Variants in FBXO34 observed in about 807,000 individuals in gnomAD.
The protein encoded by FBXO34 is F-box only protein 34.
In FBXO34, 12 loss-of-function variants were observed where a neutral mutation model predicts 24.5. That is an observed-to-expected ratio of 0.49 (90% CI 0.31 to 0.79). FBXO34 has a LOEUF of 0.79. FBXO34 is among the 30% of genes least tolerant of loss of function. FBXO34 has a pLI of 0.04. For synonymous variants in FBXO34, 320 were observed against 311.9 expected, an observed-to-expected ratio of 1.03 and a Z score of -0.27; for missense variants, 823 against 857.7, an observed-to-expected ratio of 0.96 and a Z score of 0.51.
the FBXO34 span, among the ~76,000 whole-genome samples, chr14:55,440,858 G>A: frequency 7.9e-5 from 12 of 152,114 alleles, no homozygotes; most frequent in Middle Eastern, 3.4e-3. Flanking sequence ...GAAAAAAAAA[G>A]GGATTTTTTG....
chr14:55,362,981 T>C (rs1884612416), downstream of FBXO34, among the ~76,000 whole-genome samples: 1 of 151,364 alleles, frequency 6.6e-6, no homozygotes, highest in South Asian at 2.1e-4. Context: ...CTCATATGGA[T>C]CTAGAGGTAT....
the FBXO34 span, among the ~76,000 whole-genome samples, chr14:55,432,445 A>AAAAAAAACAC: frequency 1.3e-5 from 2 of 150,244 alleles, no homozygotes; most frequent in African/African-American, 4.9e-5. Context: ...AACAAACAAC[A>AAAAAAAACAC]AAAAAAACAC....
Position 55,350,516 on chromosome 14 carries a change from C to T in FBXO34, c.126C>T (p.His42=), listed in dbSNP as rs1330334880. The part of the protein sequence containing the change: ...AVNDETCKAS[H]ITSSVFPSAS... The stretch of plus-strand genomic sequence containing the variant: ...ATGATGAAACATGCAAAGCTAGCCA[C>T]ATAACATCAAGTGTCTTTCCTTCAG... Residue 42 remains histidine (H), a synonymous_variant, in exon 2 of 2, where the codon CAC becomes CAT. Transcript: ENST00000313833. 6.2e-7 allele frequency: 1 copy of T among 1,613,796 alleles called. No homozygotes were observed. The highest frequency in any genetic ancestry group is 1.3e-5 in the African/African-American group (1 of 74,848).
chr14:55,423,719 G>A, the FBXO34 span, among the ~76,000 whole-genome samples: 1 of 152,156 alleles, frequency 6.6e-6, no homozygotes, highest in Non-Finnish European at 1.5e-5. Context: ...GTAACATTCA[G>A]AGCTGCTTTC....
At chr14:55,402,580 C>T in the FBXO34 span, among the ~76,000 whole-genome samples, 1 of 151,684 alleles carries the variant, frequency 6.6e-6, no homozygotes, top group African/African-American at 2.4e-5. Flanking sequence ...ATATTTTTAT[C>T]GGCAAAGATA....
chr14:55,306,029 T>C (rs1882532150), intron 1 of FBXO34, among the ~76,000 whole-genome samples: 1 of 152,260 alleles, frequency 6.6e-6, no homozygotes, highest in South Asian at 2.1e-4. Flanking sequence ...CTTTACATTC[T>C]ATCTTAAAGG....
At position 55,351,822 on chromosome 14, in the gene FBXO34, G is replaced by A; in HGVS notation, c.1432G>A (p.Val478Ile). 1.2e-6 allele frequency: 2 copies of A among 1,614,190 alleles called. No individual in the cohort carries two copies. The highest frequency in any genetic ancestry group is 1.7e-6 in the Non-Finnish European group (2 of 1,180,022). Residue 478 changes from valine to isoleucine, a missense_variant, in exon 2 of 2, where the codon GTT (valine) becomes ATT (isoleucine). This residue lies in a region of FBXO34 where 693 missense variants were observed against 659.1 expected (regional missense o/e 1.05). Transcript: ENST00000313833. ...PSILNSCEDP[V>I]PGMLFFLPPG... ...CATTTTAAACTCCTGTGAAGACCCA[G>A]TTCCAGGGATGTTGTTTTTTTTGCC...
chr14:55,396,146 AT>A, the FBXO34 span, among the ~76,000 whole-genome samples: 1 of 152,186 alleles, frequency 6.6e-6, no homozygotes, highest in Non-Finnish European at 1.5e-5. Context: ...GTTCTCTGCA[AT>A]TTTTTTCATC....
intron 1 of FBXO34, among the ~76,000 whole-genome samples, chr14:55,289,508 ATTCT>A (rs1425465806): frequency 3.9e-5 from 6 of 152,070 alleles, no homozygotes; most frequent in African/African-American, 4.8e-5. Flanking sequence ...CCGGTATACG[ATTCT>A]TTCTTTCTAT....
the FBXO34 span, among the ~76,000 whole-genome samples, chr14:55,399,949 A>G: frequency 6.6e-6 from 1 of 152,242 alleles, no homozygotes; most frequent in Admixed American, 6.5e-5. Context: ...AAATATACAG[A>G]TGGCAGCAGG....
chr14:55,370,210 G>A (rs536171648), downstream of FBXO34, among the ~76,000 whole-genome samples: 4 of 152,296 alleles, frequency 2.6e-5, no homozygotes, highest in East Asian at 3.9e-4. Context: ...TCACTGAGAT[G>A]GCCCATGCTG....
At chr14:55,399,800 G>T in the FBXO34 span, among the ~76,000 whole-genome samples, 1 of 152,178 alleles carries the variant, frequency 6.6e-6, no homozygotes, top group African/African-American at 2.4e-5. Flanking sequence ...GGCCATAAAA[G>T]TTCTCCTTTG....
intron 1 of FBXO34, among the ~76,000 whole-genome samples, chr14:55,278,893 C>G (rs115282305): frequency 6.6e-6 from 1 of 152,156 alleles, no homozygotes; most frequent in African/African-American, 2.4e-5. Flanking sequence ...CGCCATGTTG[C>G]CCAGGCTAGT....
chr14:55,300,826 C>T (rs1019037619), intron 1 of FBXO34, among the ~76,000 whole-genome samples: 2 of 152,170 alleles, frequency 1.3e-5, no homozygotes, highest in Non-Finnish European at 2.9e-5. Context: ...TTTTAGGTAT[C>T]TTCCCCAGAA....
intron 1 of FBXO34, among the ~76,000 whole-genome samples, chr14:55,347,606 C>G (rs1015986278): frequency 4.6e-5 from 7 of 152,194 alleles, no homozygotes; most frequent in African/African-American, 1.7e-4. Flanking sequence ...TGTGTCCTTA[C>G]TGGCTATTTT....
the FBXO34 span, among the ~76,000 whole-genome samples, chr14:55,404,824 A>C: frequency 2.4e-4 from 36 of 152,320 alleles, no homozygotes; most frequent in Non-Finnish European, 5.0e-4. Flanking sequence ...GTTCAGATCT[A>C]AATGTGAACT....
chr14:55,416,371 C>T, the FBXO34 span, among the ~76,000 whole-genome samples: 1 of 152,026 alleles, frequency 6.6e-6, no homozygotes, highest in Non-Finnish European at 1.5e-5. Context: ...GTGGGAGGAT[C>T]CCTTGAGCCC....
intron 1 of FBXO34, among the ~76,000 whole-genome samples, chr14:55,339,857 G>T (rs966796708): frequency 5.3e-5 from 8 of 152,146 alleles, no homozygotes; most frequent in Non-Finnish European, 1.2e-4. Flanking sequence ...TTCAGTCTTG[G>T]TTCAGCAGAT....
At chr14:55,383,354 C>A in the FBXO34 span, among the ~76,000 whole-genome samples, 6 of 151,972 alleles carry the variant, frequency 3.9e-5, no homozygotes, top group African/African-American at 1.5e-4. Flanking sequence ...AATTCGAGAT[C>A]AGCCTGGCCA....
Sources: gnomAD v4.1 joint callset for allele counts (sites outside exome capture counted in the v4.1 genomes callset) on GRCh38, gnomAD v4.1.1 for gene constraint, gnomAD v4.1.1 regional missense constraint, MANE v1.5 for transcripts, NCBI Gene and HGNC (gene_info 2026-07-23, HGNC 2026-07-21) for gene names.